Variants in MACROD2 observed in about 807,000 individuals in gnomAD.
MACROD2 encodes ADP-ribose glycohydrolase MACROD2.
A neutral mutation model predicts 70.4 loss-of-function variants in MACROD2; 36 were observed. That is an observed-to-expected ratio of 0.51 (90% CI 0.39 to 0.68). The LOEUF (loss-of-function observed/expected upper bound fraction) is 0.68, where lower values mean the gene tolerates loss of function less well. Among genes scored for constraint, MACROD2 ranks in the 30% least tolerant of loss-of-function variants. The pLI, the probability that MACROD2 is intolerant of heterozygous loss-of-function variation, is 0.00. For synonymous variants in MACROD2, 172 were observed against 178.8 expected, an observed-to-expected ratio of 0.96 and a Z score of 0.30; for missense variants, 496 against 538.4, an observed-to-expected ratio of 0.92 and a Z score of 0.78.
At chr20:15,524,279 A>G (rs968338225) in intron 8 of MACROD2, among the ~76,000 whole-genome samples, 1 of 151,824 alleles carries the variant, frequency 6.6e-6, no homozygotes, top group African/African-American at 2.4e-5. Context: ...CAGCCCTTTC[A>G]GGGGCCAAGG....
intron 3 of MACROD2, among the ~76,000 whole-genome samples, chr20:14,412,956 A>G (rs1281881825): frequency 6.6e-6 from 1 of 152,208 alleles, no homozygotes; most frequent in Non-Finnish European, 1.5e-5. Flanking sequence ...CAAGACTGTA[A>G]TAAGCAGAAA....
At chr20:14,195,560 C>T (rs2081423624) in intron 3 of MACROD2, among the ~76,000 whole-genome samples, 1 of 152,046 alleles carries the variant, frequency 6.6e-6, no homozygotes, top group African/African-American at 2.4e-5. Context: ...CGCCCGCATC[C>T]TGTGCCTATA....
intron 3 of MACROD2, among the ~76,000 whole-genome samples, chr20:14,477,906 G>A (rs1444356732): frequency 2.0e-5 from 3 of 152,100 alleles, no homozygotes; most frequent in Non-Finnish European, 2.9e-5. Context: ...GCCCCATATT[G>A]TAAAGGGAGC....
At chr20:14,378,802 T>G (rs2083396430) in intron 3 of MACROD2, among the ~76,000 whole-genome samples, 1 of 152,236 alleles carries the variant, frequency 6.6e-6, no homozygotes, top group Admixed American at 6.5e-5. Context: ...TAGACATATT[T>G]GGCTATTGTC....
rs188934662 is a variant in MACROD2, at chr20:14,454,987, C to T, written c.272-38492C>T. 7.6e-4 allele frequency among the ~76,000 whole-genome samples: 116 copies of T among 151,968 alleles called. 3 individuals are homozygous for T. Among genetic ancestry groups the T allele is most frequent in the African/African-American group, 2.3e-3 (96 of 41,310 alleles). On this transcript the variant is annotated intron_variant, in intron 3 of 17. Coordinates refer to ENST00000684519, the MANE Select transcript of MACROD2 (RefSeq NM_001351661.2). The stretch of plus-strand genomic sequence containing the variant: ...CAGGATGGTCTCGATCTCCTGACCT[C>T]GTGATCCGCCTGCCTTGGCCTCCCA...
Position 15,589,939 on chromosome 20 carries a change from G to GA in MACROD2, c.645+90099dup, listed in dbSNP as rs1277562121. The stretch of plus-strand genomic sequence containing the variant: ...AAAAGTAAAATAGCAAGGTTAGCTA[G>GA]AAAAAAATCTATAAGAGTAATGAGA... On this transcript the variant is annotated intron_variant, in intron 8 of 17. Coordinates refer to ENST00000684519, the MANE Select transcript of MACROD2 (RefSeq NM_001351661.2). Among the ~76,000 whole-genome samples the GA allele has an allele frequency of 4.0e-5, 6 of 151,868 alleles. No individual in the cohort carries two copies. In the East Asian group the frequency reaches 5.8e-4, roughly 15 times the overall value.
chr20:15,335,984 A>G (rs1268330164), intron 6 of MACROD2, among the ~76,000 whole-genome samples: 1 of 151,506 alleles, frequency 6.6e-6, no homozygotes, highest in Non-Finnish European at 1.5e-5. Context: ...TTTGTCCTTC[A>G]CTTAGGATGT....
intron 8 of MACROD2, among the ~76,000 whole-genome samples, chr20:15,611,041 T>G (rs561941597): frequency 4.7e-4 from 63 of 134,772 alleles, no homozygotes; most frequent in African/African-American, 1.8e-3. Flanking sequence ...AAGTCCACTC[T>G]GCCCTCTCAG....
At chr20:15,385,844 G>A (rs1434423863) in intron 6 of MACROD2, among the ~76,000 whole-genome samples, 2 of 152,014 alleles carry the variant, frequency 1.3e-5, no homozygotes, top group East Asian at 3.8e-4. Context: ...GTATCCTCAG[G>A]AGCCTCTTTT....
intron 4 of MACROD2, among the ~76,000 whole-genome samples, chr20:14,544,342 A>C (rs192793851): frequency 1.3e-5 from 2 of 152,076 alleles, no homozygotes; most frequent in Admixed American, 1.3e-4. Flanking sequence ...AATGAGCAAA[A>C]TGAGTTTAAA....
intron 5 of MACROD2, among the ~76,000 whole-genome samples, chr20:14,715,417 C>T (rs1274300136): frequency 2.0e-5 from 3 of 152,142 alleles, no homozygotes; most frequent in African/African-American, 4.8e-5. Context: ...CTATTGGCAA[C>T]ATTACTTAAT....
chr20:15,304,672 T>C (rs2077678966), intron 6 of MACROD2, among the ~76,000 whole-genome samples: 1 of 152,184 alleles, frequency 6.6e-6, no homozygotes. Context: ...ACTGGCTCTC[T>C]AGCTCACTGC....
intron 16 of MACROD2, among the ~76,000 whole-genome samples, chr20:16,043,563 T>C (rs1307949578): frequency 6.6e-6 from 1 of 152,112 alleles, no homozygotes; most frequent in Non-Finnish European, 1.5e-5. Flanking sequence ...CTGGGTTACT[T>C]CTGGAGAATG....
chr20:15,008,703 C>T (rs943531120), intron 5 of MACROD2, among the ~76,000 whole-genome samples: 8 of 152,226 alleles, frequency 5.3e-5, no homozygotes, highest in African/African-American at 1.4e-4. Context: ...ATGTAGTTTA[C>T]GTAGTAAAAT....
intron 4 of MACROD2, among the ~76,000 whole-genome samples, chr20:14,600,916 T>C (rs1982454288): frequency 6.6e-6 from 1 of 152,168 alleles, no homozygotes; most frequent in Admixed American, 6.5e-5. Flanking sequence ...ATGTATTATA[T>C]AGAAAATTCC....
intron 5 of MACROD2, among the ~76,000 whole-genome samples, chr20:14,965,627 A>AT (rs374771441): frequency 0.056 from 7,896 of 140,822 alleles, 302 homozygotes; most frequent in African/African-American, 0.11. Context: ...TGCCCAGCTA[A>AT]TTTTTTTTTT....
chr20:15,889,993 A>G (rs1363005243), intron 10 of MACROD2, among the ~76,000 whole-genome samples: 2 of 152,164 alleles, frequency 1.3e-5, no homozygotes, highest in Non-Finnish European at 2.9e-5. Flanking sequence ...CCAAGCCACA[A>G]GTAGAAACTT....
At chr20:14,787,059 A>G (rs1344686139) in intron 5 of MACROD2, among the ~76,000 whole-genome samples, 1 of 152,128 alleles carries the variant, frequency 6.6e-6, no homozygotes, top group African/African-American at 2.4e-5. Context: ...GCCATAAGCT[A>G]TACACATAAT....
intron 5 of MACROD2, among the ~76,000 whole-genome samples, chr20:14,978,300 A>C (rs1259887305): frequency 2.0e-5 from 3 of 152,150 alleles, no homozygotes; most frequent in Admixed American, 2.0e-4. Flanking sequence ...GTATGAAAAG[A>C]CAAGTACTGT....
Sources: allele counts gnomAD v4.1 joint callset (sites outside exome capture counted in the v4.1 genomes callset), GRCh38; gene constraint gnomAD v4.1.1; transcripts MANE v1.5; gene names NCBI Gene and HGNC (gene_info 2026-07-23, HGNC 2026-07-21).